Variants in MAMLD1 observed in about 807,000 individuals in gnomAD.
MAMLD1 encodes the protein mastermind like domain containing 1, also known as mastermind-like domain-containing protein 1.
In MAMLD1, 14 loss-of-function variants were observed where a neutral mutation model predicts 45.0. That is an observed-to-expected ratio of 0.31 (90% CI 0.21 to 0.49). The LOEUF is 0.49. MAMLD1 is among the 20% of genes least tolerant of loss of function. The pLI is 0.99. For missense variants in MAMLD1, 543 were observed against 603.6 expected, an observed-to-expected ratio of 0.90 and a Z score of 1.05; for synonymous variants, 254 against 247.8, an observed-to-expected ratio of 1.02 and a Z score of -0.24.
intron 1 of MAMLD1, among the ~76,000 whole-genome samples, chrX:150,431,023 A>G (rs2034920838): frequency 8.9e-6 from 1 of 112,357 alleles, no homozygotes; most frequent in Non-Finnish European, 1.9e-5. Context: ...CTGGATGTCT[A>G]TTTGGGAGAA....
At chrX:150,497,964 G>T (rs932388385) in intron 5 of MAMLD1, among the ~76,000 whole-genome samples, 1 of 110,930 alleles carries the variant, frequency 9.0e-6, no homozygotes, top group African/African-American at 3.3e-5. Context: ...TCTTTACAAT[G>T]GGATTATAAT....
chrX:150,430,951 G>A (rs782298496), intron 1 of MAMLD1, among the ~76,000 whole-genome samples: 1 of 111,476 alleles, frequency 9.0e-6, no homozygotes, highest in African/African-American at 3.3e-5. Flanking sequence ...ATAAAATTTT[G>A]GAAAAATCTT....
intron 1 of MAMLD1, among the ~76,000 whole-genome samples, chrX:150,375,706 GA>G (rs2032280320): frequency 8.9e-6 from 1 of 112,016 alleles, no homozygotes; most frequent in African/African-American, 3.2e-5. Context: ...AGATCATGTT[GA>G]AAAAGAGTGC....
intron 1 of MAMLD1, among the ~76,000 whole-genome samples, chrX:150,386,978 T>A (rs1557402075): frequency 9.0e-6 from 1 of 111,220 alleles, no homozygotes; most frequent in Non-Finnish European, 1.9e-5. Flanking sequence ...TACTCAAAAA[T>A]TTTCAGCATA....
chrX:150,449,412 A>T (rs2124607529), intron 2 of MAMLD1, among the ~76,000 whole-genome samples: 1 of 111,594 alleles, frequency 9.0e-6, no homozygotes, highest in South Asian at 3.8e-4. Flanking sequence ...GGCTGCAAAA[A>T]TACTGGCCTC....
intron 5 of MAMLD1, among the ~76,000 whole-genome samples, chrX:150,490,586 A>G (rs1281231605): frequency 8.9e-6 from 1 of 112,054 alleles, no homozygotes; most frequent in East Asian, 2.8e-4. Context: ...ATTATTCTAC[A>G]AGGAGTCTAA....
At chrX:150,456,818 T>C (rs2035883545) in intron 2 of MAMLD1, among the ~76,000 whole-genome samples, 1 of 112,288 alleles carries the variant, frequency 8.9e-6, no homozygotes, top group East Asian at 2.8e-4. Context: ...CTTTTCAGGG[T>C]TCCAGATATA....
At chrX:150,474,100 C>T (rs1315115414) in intron 5 of MAMLD1, among the ~76,000 whole-genome samples, 1 of 112,215 alleles carries the variant, frequency 8.9e-6, no homozygotes, top group East Asian at 2.8e-4. Flanking sequence ...GCCTTTCCAG[C>T]CCATGCTGGC....
chrX:150,508,778 G>T (rs1236573256), intron 6 of MAMLD1, among the ~76,000 whole-genome samples: 32 of 112,316 alleles, frequency 2.8e-4, no homozygotes, highest in African/African-American at 1.0e-3. Context: ...GCATCTTCGG[G>T]GGGACACAGA....
intron 5 of MAMLD1, 43 bp from the exon 6 acceptor site, chrX:150,503,231 T>G: frequency 8.8e-7 from 1 of 1,139,711 alleles, no homozygotes; most frequent in Non-Finnish European, 1.2e-6. Flanking sequence ...CAGAACCATT[T>G]TGTGGCCAAG....
At chrX:150,372,083 G>C (rs1325776565) in intron 1 of MAMLD1, among the ~76,000 whole-genome samples, 1 of 111,678 alleles carries the variant, frequency 9.0e-6, no homozygotes, top group African/African-American at 3.3e-5. Context: ...AGCAAATGTG[G>C]TAAAAAGAAA....
intron 1 of MAMLD1, among the ~76,000 whole-genome samples, chrX:150,376,377 GA>G (rs1451507536): frequency 2.7e-5 from 3 of 111,087 alleles, no homozygotes; most frequent in African/African-American, 9.8e-5. Flanking sequence ...CCAAATAATA[GA>G]AAAAAATTCC....
At chrX:150,398,289 A>G (rs782362607) in intron 1 of MAMLD1, among the ~76,000 whole-genome samples, 2 of 84,277 alleles carry the variant, frequency 2.4e-5, no homozygotes, top group East Asian at 3.7e-4. Flanking sequence ...AAGAAGAAGA[A>G]GAAGAAGAAG....
intron 2 of MAMLD1, among the ~76,000 whole-genome samples, chrX:150,457,493 G>A (rs2035905207): frequency 8.9e-6 from 1 of 112,417 alleles, no homozygotes; most frequent in Non-Finnish European, 1.9e-5. Context: ...CAAAAGAACC[G>A]AAAACAAGTG....
chrX:150,384,503 T>A (rs1395029762), intron 1 of MAMLD1, among the ~76,000 whole-genome samples: 1 of 112,215 alleles, frequency 8.9e-6, no homozygotes, highest in African/African-American at 3.2e-5. Flanking sequence ...GTTTATATAT[T>A]CTGAATTCTA....
At chrX:150,444,700 C>T (rs2035431386) in intron 1 of MAMLD1, among the ~76,000 whole-genome samples, 1 of 111,636 alleles carries the variant, frequency 9.0e-6, no homozygotes, top group Non-Finnish European at 1.9e-5. Flanking sequence ...TAGAGCTGTC[C>T]TTATATATTA....
At chrX:150,365,509 G>A (rs984896092) in intron 1 of MAMLD1, among the ~76,000 whole-genome samples, 1 of 113,190 alleles carries the variant, frequency 8.8e-6, no homozygotes, top group African/African-American at 3.2e-5. Context: ...CGCCGGGCTC[G>A]GGCATAGGGG....
intron 1 of MAMLD1, among the ~76,000 whole-genome samples, chrX:150,399,858 TACAAATGGTGCGAAAGA>T (rs1286313406): frequency 1.8e-5 from 2 of 112,167 alleles, no homozygotes; most frequent in Non-Finnish European, 3.8e-5. Flanking sequence ...AGCAAATGCA[TACAAATGGTGCGAAAGA>T]ACAATTGAGC....
rs1557406566 is a variant in MAMLD1, at chrX:150,471,482, C to T, written c.1909C>T (p.Pro637Ser). ...SVASDSMPAL[P>S]RQGCCHLFAW... ...GGCCTCAGATTCCATGCCTGCTCTG[C>T]CCAGACAGGTAAGACAATCTCATAT... The change falls in exon 4 of 8, where the codon CCC becomes TCC. Residue 637 changes from proline (P) to serine (S), a missense_variant. Physicochemically the swap from Pro to Ser is moderately conservative, Grantham distance 74. Coordinates refer to ENST00000370401, the MANE Select transcript of MAMLD1 (RefSeq NM_005491.5). 1 of 1,209,796 alleles carries T rather than the reference C, an allele frequency of 8.3e-7. No individual in the cohort carries two copies. The highest frequency in any genetic ancestry group is 1.8e-5 in the South Asian group (1 of 56,940).
Sources: allele counts gnomAD v4.1 joint callset (sites outside exome capture counted in the v4.1 genomes callset), GRCh38; gene constraint gnomAD v4.1.1; transcripts MANE v1.5; gene names NCBI Gene and HGNC (gene_info 2026-07-23, HGNC 2026-07-21).